Variants in ZNF138 observed in about 807,000 individuals in gnomAD.
ZNF138 encodes zinc finger protein 138.
Under a neutral mutation model 33.0 loss-of-function variants are expected in ZNF138, and 33 were observed. The ratio of observed to expected loss-of-function variants is 1.00; its 90% CI spans 0.76 to 1.34. ZNF138 has a LOEUF of 1.34. Ranked by LOEUF, ZNF138 falls within the 40% of genes most tolerant of loss-of-function variation. The pLI is 0.00. For synonymous variants in ZNF138, 139 were observed against 120.4 expected, an observed-to-expected ratio of 1.15 and a Z score of -1.01; for missense variants, 360 against 370.8, an observed-to-expected ratio of 0.97 and a Z score of 0.24.
intron 1 of ZNF138, among the ~76,000 whole-genome samples, chr7:64,797,376 C>T (rs1172311286): frequency 6.6e-6 from 1 of 152,138 alleles, no homozygotes; most frequent in Non-Finnish European, 1.5e-5. Context: ...TTTAAAATTT[C>T]CTTCCCTTAT....
Position 64,831,657 on chromosome 7 carries a change from T to A in ZNF138, c.415T>A (p.Phe139Ile), listed in dbSNP as rs551808152. Residue 139 changes from phenylalanine (F) to isoleucine (I), a missense_variant, in exon 4 of 4, where the codon TTT (phenylalanine) becomes ATT (isoleucine). Transcript: ENST00000307355. ...QCLKITTSKIFQCNKYVKVMH... is the reference protein window; with the variant it reads ...QCLKITTSKIIQCNKYVKVMH... ...TTTGAAAATTACCACAAGCAAAATA[T>A]TTCAATGTAATAAATATGTAAAAGT... 278 of 1,609,216 alleles carry A rather than the reference T, an allele frequency of 1.7e-4. 2 individuals carry two copies. In the East Asian group the frequency reaches 5.0e-3, roughly 29 times the overall value.
At chr7:64,860,413 T>A in the ZNF138 span, among the ~76,000 whole-genome samples, 1 of 152,320 alleles carries the variant, frequency 6.6e-6, no homozygotes. Context: ...TCCATCAACA[T>A]TTTTTCTTTC....
intron 3 of ZNF138, among the ~76,000 whole-genome samples, chr7:64,830,691 A>T (rs1347581447): frequency 1.3e-5 from 2 of 152,056 alleles, no homozygotes; most frequent in African/African-American, 4.8e-5. Flanking sequence ...TGTTGCCCTA[A>T]TATTTTGTAT....
the ZNF138 span, among the ~76,000 whole-genome samples, chr7:64,849,606 GGGTTT>G: frequency 6.6e-6 from 1 of 152,036 alleles, no homozygotes; most frequent in Non-Finnish European, 1.5e-5. Flanking sequence ...TGCTTGGGCG[GGGTTT>G]GCTGCAGCTG....
At chr7:64,826,326 C>G (rs1189287447) in intron 3 of ZNF138, among the ~76,000 whole-genome samples, 3 of 152,156 alleles carry the variant, frequency 2.0e-5, no homozygotes, top group Non-Finnish European at 2.9e-5. Flanking sequence ...GTTGCCCAGG[C>G]TGGAGTGCAA....
chr7:64,859,765 TCA>T, the ZNF138 span, among the ~76,000 whole-genome samples: 3 of 152,262 alleles, frequency 2.0e-5, no homozygotes, highest in African/African-American at 7.2e-5. Context: ...TTAGTTCCAA[TCA>T]CAATAAATTA....
At chr7:64,825,543 C>CTT (rs112905168) in intron 3 of ZNF138, among the ~76,000 whole-genome samples, 3 of 132,530 alleles carry the variant, frequency 2.3e-5, no homozygotes, top group African/African-American at 2.8e-5. Context: ...TATTTATTAA[C>CTT]TTTTTTTTTT....
the ZNF138 span, among the ~76,000 whole-genome samples, chr7:64,855,446 C>CAG: frequency 1.8e-4 from 5 of 27,926 alleles, no homozygotes; most frequent in African/African-American, 3.7e-4. Context: ...TTTATTTTAT[C>CAG]TTGCGTGCAA....
Position 64,831,458 on chromosome 7 carries a change from T to A in ZNF138, c.216T>A (p.Cys72Ter). 6.4e-7 allele frequency: 1 copy of A among 1,551,804 alleles called. No individual in the cohort carries two copies. Residue 72 changes from cysteine (C) to a stop codon, truncating the protein, a stop_gained, in exon 4 of 4, where the codon TGT (cysteine) becomes TGA (stop). Coordinates refer to ENST00000307355, the MANE Select transcript of ZNF138 (RefSeq NM_001271639.2). LOFTEE classifies it high-confidence loss of function. ...ATTTTTTGTTTCTTTCAGCTCTGTG[T>A]TCTCGTTTTGCCCAAGACCTTTGGC... Reference protein sequence around the residue: ...EMVVAKHSALCSRFAQDLWLE... With the variant: ...EMVVAKHSAL
the ZNF138 span, among the ~76,000 whole-genome samples, chr7:64,853,728 G>A: frequency 1.3e-5 from 2 of 151,004 alleles, no homozygotes; most frequent in Admixed American, 6.6e-5. Flanking sequence ...CATATTAATC[G>A]TTAATTTGTA....
At chr7:64,798,962 T>G (rs1018854127) in intron 1 of ZNF138, among the ~76,000 whole-genome samples, 4 of 151,402 alleles carry the variant, frequency 2.6e-5, no homozygotes, top group Non-Finnish European at 5.9e-5. Context: ...CCTTATAGAA[T>G]AGTTTCAAGT....
chr7:64,842,386 T>A, the ZNF138 span, among the ~76,000 whole-genome samples: 2 of 152,208 alleles, frequency 1.3e-5, no homozygotes, highest in Non-Finnish European at 2.9e-5. Flanking sequence ...TAAGTGTGAA[T>A]GTTAAAGGTT....
the ZNF138 span, among the ~76,000 whole-genome samples, chr7:64,851,714 C>A: frequency 1.3e-5 from 2 of 151,228 alleles, no homozygotes; most frequent in Non-Finnish European, 3.0e-5. Context: ...TTTTTGCTAT[C>A]GATAAAGAAA....
At chr7:64,822,721 ATCT>A (rs971747818) in intron 3 of ZNF138, among the ~76,000 whole-genome samples, 2 of 152,192 alleles carry the variant, frequency 1.3e-5, no homozygotes, top group African/African-American at 4.8e-5. Context: ...AGTATAATGC[ATCT>A]TCTTTTTAAT....
At chr7:64,849,362 C>T in the ZNF138 span, among the ~76,000 whole-genome samples, 1 of 152,124 alleles carries the variant, frequency 6.6e-6, no homozygotes, top group Non-Finnish European at 1.5e-5. Flanking sequence ...ATGAATTGGA[C>T]TCTGTTAAGG....
chr7:64,802,362 C>T (rs984967463), intron 1 of ZNF138, among the ~76,000 whole-genome samples: 1 of 152,150 alleles, frequency 6.6e-6, no homozygotes, highest in Non-Finnish European at 1.5e-5. Flanking sequence ...AAAAAGGTGC[C>T]TGGCTCTTAG....
intron 3 of ZNF138, among the ~76,000 whole-genome samples, chr7:64,825,826 C>T (rs999258725): frequency 1.1e-4 from 16 of 151,806 alleles, no homozygotes; most frequent in African/African-American, 3.9e-4. Flanking sequence ...CATGAGCCCC[C>T]GCGCCTGGCC....
At chr7:64,858,319 T>C in the ZNF138 span, among the ~76,000 whole-genome samples, 16 of 152,314 alleles carry the variant, frequency 1.1e-4, no homozygotes, top group African/African-American at 3.8e-4. Flanking sequence ...AATGTGTCTT[T>C]TCTACATCTC....
At chr7:64,807,914 A>G (rs1383971708) in intron 1 of ZNF138, among the ~76,000 whole-genome samples, 2 of 152,234 alleles carry the variant, frequency 1.3e-5, no homozygotes, top group Non-Finnish European at 2.9e-5. Context: ...GTACCTACCC[A>G]TAAAATGTGA....
Sources: allele counts gnomAD v4.1 joint callset (sites outside exome capture counted in the v4.1 genomes callset), GRCh38; gene constraint gnomAD v4.1.1; transcripts MANE v1.5; gene names NCBI Gene and HGNC (gene_info 2026-07-23, HGNC 2026-07-21).